The following ABL1 variants were observed in gnomAD, a reference collection of about 807,000 sequenced individuals.
The protein encoded by ABL1 is tyrosine-protein kinase ABL1.
In ABL1, 11 loss-of-function variants were observed where a neutral mutation model predicts 94.7. The observed-to-expected ratio is 0.12, with a 90% CI of 0.07 to 0.19. ABL1 has a LOEUF of 0.19. Among genes scored for constraint, ABL1 ranks in the 10% least tolerant of loss-of-function variants. The pLI is 1.00. For missense variants in ABL1, 1,082 were observed against 1,489.4 expected (o/e 0.73, Z 4.50); for synonymous variants, 656 against 622.4 (o/e 1.05, Z -0.80).
At chr9:130,882,035 G>A (rs745908229) in intron 10 of ABL1, among the ~76,000 whole-genome samples, 38 of 152,112 alleles carry the variant, frequency 2.5e-4, no homozygotes, top group Non-Finnish European at 4.3e-4. Flanking sequence ...AATACTTCCC[G>A]CCCCGCTGGG....
chr9:130,746,992 C>T (rs960060571), intron 1 of ABL1, among the ~76,000 whole-genome samples: 2 of 152,114 alleles, frequency 1.3e-5, no homozygotes, highest in African/African-American at 4.8e-5. Flanking sequence ...TTCTGGAGGC[C>T]ACCTGCATTG....
chr9:130,864,600 G>A (rs1240049162), intron 4 of ABL1, among the ~76,000 whole-genome samples: 2 of 152,126 alleles, frequency 1.3e-5, no homozygotes, highest in African/African-American at 2.4e-5. Flanking sequence ...TCTATTTGAC[G>A]GTTCCTGGGC....
intron 1 of ABL1, among the ~76,000 whole-genome samples, chr9:130,785,479 G>A (rs1047469757): frequency 3.3e-5 from 5 of 152,094 alleles, no homozygotes. Context: ...TTTGGGGTTG[G>A]GGGAGGCTCT....
intron 1 of ABL1, among the ~76,000 whole-genome samples, chr9:130,824,636 G>A (rs1221877098): frequency 3.3e-5 from 5 of 152,148 alleles, no homozygotes; most frequent in Non-Finnish European, 5.9e-5. Flanking sequence ...GCACCAGCTC[G>A]TAGGAGGGGT....
chr9:130,816,307 C>T (rs192867876), intron 1 of ABL1, among the ~76,000 whole-genome samples: 2 of 152,168 alleles, frequency 1.3e-5, no homozygotes, highest in Admixed American at 1.3e-4. Flanking sequence ...TCAGTGATGG[C>T]TCTTCTGATC....
chr9:130,840,036 T>C (rs1415774776), intron 1 of ABL1, among the ~76,000 whole-genome samples: 6 of 152,200 alleles, frequency 3.9e-5, no homozygotes, highest in Admixed American at 2.6e-4. Context: ...AGAGACTTCA[T>C]GTAAATTGTT....
chr9:130,738,513 A>T (rs368090682), intron 1 of ABL1, among the ~76,000 whole-genome samples: 73 of 152,334 alleles, frequency 4.8e-4, no homozygotes, highest in African/African-American at 1.7e-3. Context: ...AAAACATGAC[A>T]TGAGTGATGG....
chr9:130,885,094 C>T lies in ABL1; in HGVS notation c.2804C>T (p.Thr935Met), dbSNP rs143811852. The T allele has an allele frequency of 6.8e-6, 11 of 1,610,168 alleles. No individual in the cohort carries two copies. The Admixed American group carries it at 1.3e-4, about 20-fold the overall frequency. Reference sequence around the variant, plus strand: ...GTCCTGGGCGCAAAGACAAAAGCCACGAGTCTGGTTGATGCTGTGAACAGT... The same window carrying T: ...GTCCTGGGCGCAAAGACAAAAGCCATGAGTCTGGTTGATGCTGTGAACAGT... ...EAVLGAKTKA[T>M]SLVDAVNSDA... The change falls in exon 11 of 11, where the codon ACG (threonine) becomes ATG (methionine). Residue 935 changes from threonine (T) to methionine (M), a missense_variant. Around this residue, in one of 7 missense-constraint regions of ABL1, gnomAD observed 780 missense variants for 835.8 expected, o/e 0.93. Transcript: ENST00000318560.
At chr9:130,750,644 CTTTTTTT>C (rs71389345) in intron 1 of ABL1, among the ~76,000 whole-genome samples, 1 of 87,284 alleles carries the variant, frequency 1.1e-5, no homozygotes, top group African/African-American at 4.9e-5. Flanking sequence ...CTTTTTCTTT[CTTTTTTT>C]TTTTTTTTTT....
chr9:130,854,771 A>T (rs941264264), intron 2 of ABL1, 30 bp from the exon 3 acceptor site: 2 of 1,590,790 alleles, frequency 1.3e-6, no homozygotes, highest in Non-Finnish European at 8.6e-7. Context: ...TCCAAAGCTG[A>T]TATGTCTGAT....
At chr9:130,881,963 C>T (rs1325084296) in intron 10 of ABL1, among the ~76,000 whole-genome samples, 3 of 151,900 alleles carry the variant, frequency 2.0e-5, no homozygotes, top group South Asian at 4.1e-4. Context: ...GAGTAGAGTG[C>T]GTATGTTATG....
At chr9:130,822,065 C>G (rs2132878599) in intron 1 of ABL1, among the ~76,000 whole-genome samples, 2 of 152,260 alleles carry the variant, frequency 1.3e-5, no homozygotes, top group South Asian at 4.1e-4. Context: ...CTCTCACTCT[C>G]CTGACCTCGT....
At chr9:130,713,055 C>A (rs1295096235) in exon 1 of ABL1, among the ~76,000 whole-genome samples, 1 of 152,184 alleles carries the variant, frequency 6.6e-6, no homozygotes, top group Admixed American at 6.5e-5. Context: ...TCCATCATGG[C>A]GGCCGCGGGG....
chr9:130,775,154 C>T (rs780238586), intron 1 of ABL1, among the ~76,000 whole-genome samples: 1 of 152,186 alleles, frequency 6.6e-6, no homozygotes, highest in Non-Finnish European at 1.5e-5. Context: ...CAATGCATAT[C>T]CTCTTGGACT....
At position 130,865,451 on chromosome 9, in the gene ABL1, A is replaced by G. The variant is rs188003777; in HGVS notation, c.822+2416A>G. 2.6e-3 allele frequency among the ~76,000 whole-genome samples: 401 copies of G among 152,324 alleles called. 1 individual carries two copies. The highest frequency in any genetic ancestry group is 6.1e-3 in the Admixed American group (93 of 15,288). Reference sequence around the variant, plus strand: ...TAAATATGGGGCATTTACCTTTGCTATAGAAGCTGAAATTGCCAGGCACGG... The same window carrying G: ...TAAATATGGGGCATTTACCTTTGCTGTAGAAGCTGAAATTGCCAGGCACGG... On this transcript the variant is annotated intron_variant, in intron 4 of 10. Coordinates refer to ENST00000318560, the MANE Select transcript of ABL1 (RefSeq NM_005157.6).
chr9:130,713,532 G>T (rs965762864), exon 1 of ABL1, among the ~76,000 whole-genome samples: 1 of 151,994 alleles, frequency 6.6e-6, no homozygotes, highest in African/African-American at 2.4e-5. Context: ...CTTTGGCCAC[G>T]GAGCCTCCCA....
At chr9:130,820,874 A>G (rs1830351439) in intron 1 of ABL1, among the ~76,000 whole-genome samples, 3 of 152,136 alleles carry the variant, frequency 2.0e-5, no homozygotes, top group South Asian at 2.1e-4. Context: ...TGAATGTTCA[A>G]TTCAATGATT....
intron 1 of ABL1, among the ~76,000 whole-genome samples, chr9:130,837,485 G>A (rs1830606338): frequency 6.7e-6 from 1 of 149,892 alleles, no homozygotes; most frequent in African/African-American, 2.5e-5. Flanking sequence ...ATTGTTTTGG[G>A]AAAAAAATCT....
chr9:130,754,605 A>G (rs2132735760), intron 1 of ABL1, among the ~76,000 whole-genome samples: 1 of 152,080 alleles, frequency 6.6e-6, no homozygotes, highest in South Asian at 2.1e-4. Context: ...TGCGGATGGA[A>G]GTCACAAAAT....
Sources: allele counts gnomAD v4.1 joint callset (sites outside exome capture counted in the v4.1 genomes callset), GRCh38; gene constraint gnomAD v4.1.1; regional missense constraint gnomAD v4.1.1; transcripts MANE v1.5; gene names NCBI Gene and HGNC (gene_info 2026-07-23, HGNC 2026-07-21).